ERCC3: variants seen among roughly 807,000 people sequenced by gnomAD.
The protein encoded by ERCC3 is ERCC excision repair 3, TFIIH core complex helicase subunit.
ERCC3 carries 66 observed loss-of-function variants against 94.2 expected under a neutral mutation model. The ratio of observed to expected loss-of-function variants is 0.70; its 90% CI spans 0.57 to 0.86. The LOEUF (loss-of-function observed/expected upper bound fraction) is 0.86, where lower values mean the gene tolerates loss of function less well. Ranked by LOEUF, ERCC3 falls within the 40% of genes least tolerant of loss-of-function variation. The pLI is 0.00. For missense variants in ERCC3, 829 were observed against 987.1 expected, an observed-to-expected ratio of 0.84 and a Z score of 2.15; for synonymous variants, 349 against 369.1, an observed-to-expected ratio of 0.95 and a Z score of 0.63.
intron 12 of ERCC3, among the ~76,000 whole-genome samples, chr2:127,270,979 C>G (rs1026508819): frequency 6.6e-6 from 1 of 152,214 alleles, no homozygotes; most frequent in African/African-American, 2.4e-5. Context: ...CCAGAAGCAG[C>G]TTCCAGCTCC....
chr2:127,291,961 T>G lies in ERCC3; in HGVS notation c.471+649A>C, dbSNP rs1485619412. On this transcript the variant is annotated intron_variant, in intron 3 of 14. Coordinates refer to ENST00000285398, the MANE Select transcript of ERCC3 (RefSeq NM_000122.2). This position sits in a 1 kb window ranked among gnomAD's most constrained non-coding sequence, Gnocchi z 4.9. The stretch of plus-strand genomic sequence containing the variant: ...ATAATAAAATTCCAGACTGGGTGGC[T>G]TCAACATTAGAACTGTATTTTCTCA... The G allele has an allele frequency of 6.3e-6, 1 of 158,228 alleles. No individual in the cohort carries two copies. The highest frequency in any genetic ancestry group is 2.4e-5 in the African/African-American group (1 of 41,512). 9.8% of individuals were successfully genotyped at this position (158,228 alleles called of 1,614,324 possible).
Position 127,264,945 on chromosome 2 carries a change from T to G in ERCC3, c.1946-3599A>C, listed in dbSNP as rs1030146416. Among the ~76,000 whole-genome samples the G allele has an allele frequency of 1.3e-5, 2 of 151,998 alleles. No homozygotes were observed. The highest frequency in any genetic ancestry group is 1.3e-4 in the Admixed American group (2 of 15,256). On this transcript the variant is annotated intron_variant, in intron 12 of 14. Transcript: ENST00000285398. The surrounding 1 kb of genome is among the most constrained non-coding windows in gnomAD (Gnocchi z 4.4). ...TCACTGCAACCTCCACCTCCAGGGT[T>G]TAAGCAATTCTCCTGCCTCAGCCTT...
chr2:127,288,524 C>A, intron 7 of ERCC3, 136 bp downstream of exon 7: 1 of 826,410 alleles, frequency 1.2e-6, no homozygotes. Flanking sequence ...TTTGTCAAGT[C>A]ATGAATCAGG....
At chr2:127,263,770 T>C (rs1224721712) in intron 12 of ERCC3, among the ~76,000 whole-genome samples, 1 of 150,834 alleles carries the variant, frequency 6.6e-6, no homozygotes. Flanking sequence ...TGCAGTGGCG[T>C]GATCTCGGCT....
chr2:127,279,080 G>A lies in ERCC3; in HGVS notation c.1730+93C>T. On this transcript the variant is annotated intron_variant, in intron 10 of 14. Transcript: ENST00000285398. This position sits in a 1 kb window ranked among gnomAD's most constrained non-coding sequence, Gnocchi z 4.7. ...TTTGGAGCCCAAGAAGTTCCTGAGA[G>A]AAAAACAAAAAAACAAAACAACAGC... 1 of 870,700 alleles carries A rather than the reference G, an allele frequency of 1.1e-6. No individual in the cohort carries two copies. Among genetic ancestry groups the A allele is most frequent in the Non-Finnish European group, 1.9e-6 (1 of 532,204 alleles). 53.9% of individuals were successfully genotyped at this position (870,700 alleles called of 1,614,324 possible).
intron 12 of ERCC3, chr2:127,262,926 C>T (rs750120349): frequency 6.6e-6 from 1 of 152,184 alleles, no homozygotes; most frequent in Non-Finnish European, 1.5e-5. Flanking sequence ...GTACTTTCCC[C>T]ACTGCATATT....
rs1406285348 is a variant in ERCC3, at chr2:127,293,955, G to A, written c.28+99C>T. On this transcript the variant is annotated intron_variant, in intron 1 of 14. Transcript: ENST00000285398. Reference sequence around the variant, plus strand: ...CGGGGTGCGCGCGGGAGGGCCAGCAGGGTCGGCCGGCGCAGAGGCCCGGAG... The same window carrying A: ...CGGGGTGCGCGCGGGAGGGCCAGCAAGGTCGGCCGGCGCAGAGGCCCGGAG... The A allele has an allele frequency of 3.9e-6, 6 of 1,547,782 alleles. No individual in the cohort carries two copies. The East Asian group carries it at 1.2e-4, about 31-fold the overall frequency.
At chr2:127,289,858 C>T in intron 4 of ERCC3, 34 bp from the exon 5 acceptor site, 1 of 1,612,858 alleles carries the variant, frequency 6.2e-7, no homozygotes, top group Non-Finnish European at 8.5e-7. Context: ...GGTCTACTGA[C>T]CAGCAGGTAC....
chr2:127,270,554 G>A (rs11886231), intron 12 of ERCC3, among the ~76,000 whole-genome samples: 53,599 of 152,064 alleles, frequency 0.35, 10,224 homozygotes, highest in East Asian at 0.62. Context: ...ACATCTGAAC[G>A]CAGTACAGTT....
Position 127,280,494 on chromosome 2 carries a change from T to A in ERCC3, c.1480A>T (p.Met494Leu), listed in dbSNP as rs1410547028. Residue 494 changes from methionine to leucine, a missense_variant, in exon 9 of 15, where the codon ATG becomes TTG. Met to Leu is a conservative substitution (Grantham distance 15). Transcript: ENST00000285398. The surrounding 1 kb of genome is among the most constrained non-coding windows in gnomAD (Gnocchi z 6.3). ...ATGTAGCCATTATTCTGCAGCTCCA[T>A]CCAGTTGGCTTCGTAGAGCTTAGGC... ...IGPKLYEANW[M>L]ELQNNGYIAK... The A allele has an allele frequency of 2.5e-6, 4 of 1,613,918 alleles. No individual in the cohort carries two copies. The South Asian group carries it at 3.3e-5, about 13-fold the overall frequency.
Position 127,259,347 on chromosome 2 carries a change from C to G in ERCC3, c.2166G>C (p.Leu722=), listed in dbSNP as rs758688049. Residue 722 remains leucine, a synonymous_variant, in exon 14 of 15, where the codon CTG becomes CTC. Coordinates refer to ENST00000285398, the MANE Select transcript of ERCC3 (RefSeq NM_000122.2). This position sits in a 1 kb window ranked among gnomAD's most constrained non-coding sequence, Gnocchi z 4.9. Reference sequence around the variant, plus strand: ...CAGCCACCACCTCCTCCTCGGCATCCAGGTCAGTGGCTGCCAGGACTTTCT... The same window carrying G: ...CAGCCACCACCTCCTCCTCGGCATCGAGGTCAGTGGCTGCCAGGACTTTCT... ...LLQKVLAATD[L]DAEEEVVAGE... The G allele has an allele frequency of 6.2e-7, 1 of 1,614,068 alleles. No homozygotes were observed. The highest frequency in any genetic ancestry group is 8.5e-7 in the Non-Finnish European group (1 of 1,180,052).
chr2:127,289,676 G>A lies in ERCC3; in HGVS notation c.657+13C>T, dbSNP rs748473695. 3 of 1,614,096 alleles carry A rather than the reference G, an allele frequency of 1.9e-6. No individual in the cohort carries two copies. The highest frequency in any genetic ancestry group is 2.5e-6 in the Non-Finnish European group (3 of 1,179,968). The stretch of plus-strand genomic sequence containing the variant: ...CCTGCCCCCACCCAAGGGTGGCCCA[G>A]GAGTCCACATACGGCAGATTTGCTT... On this transcript the variant is annotated intron_variant, in intron 5 of 14. Transcript: ENST00000285398.
chr2:127,258,342 G>A lies in ERCC3; in HGVS notation c.2218-615C>T, dbSNP rs527789538. The stretch of plus-strand genomic sequence containing the variant: ...ACAGAAAGCCCTGGGCTTGACTCTT[G>A]GCTCCTCCTGTCCCTGAGTAACCCT... On this transcript the variant is annotated intron_variant, in intron 14 of 14. Transcript: ENST00000285398. This position sits in a 1 kb window ranked among gnomAD's most constrained non-coding sequence, Gnocchi z 4.1. Among the ~76,000 whole-genome samples, 38 of 152,142 alleles carry A rather than the reference G, an allele frequency of 2.5e-4. No individual in the cohort carries two copies. The highest frequency in any genetic ancestry group is 4.6e-4 in the Non-Finnish European group (31 of 68,028).
rs4662575 is a variant in ERCC3 at position 127,264,639 on chromosome 2, C to T, written c.1946-3293G>A. 0.35 allele frequency among the ~76,000 whole-genome samples: 53,478 copies of T among 151,928 alleles called. 10,183 individuals carry two copies. Among genetic ancestry groups the T allele is most frequent in the East Asian group, 0.62 (3,188 of 5,178 alleles). On this transcript the variant is annotated intron_variant, in intron 12 of 14. Transcript: ENST00000285398. The surrounding 1 kb of genome is among the most constrained non-coding windows in gnomAD (Gnocchi z 4.4). ...ACTTTTTGATATGCTGCTGGATTTGCTTTGTCCTCATTTTGTTACAGATTT... is the reference window on the plus strand; with the variant it reads ...ACTTTTTGATATGCTGCTGGATTTGTTTTGTCCTCATTTTGTTACAGATTT...
chr2:127,265,882 A>G (rs1478745759), intron 12 of ERCC3, among the ~76,000 whole-genome samples: 1 of 152,082 alleles, frequency 6.6e-6, no homozygotes, highest in Non-Finnish European at 1.5e-5. Context: ...TGAAATCTCA[A>G]ATTGTTAATT....
intron 12 of ERCC3, chr2:127,262,721 GTGTTGA>G: frequency 6.6e-6 from 1 of 152,318 alleles, no homozygotes; most frequent in Non-Finnish European, 1.5e-5. Flanking sequence ...AACATGAATT[GTGTTGA>G]TAGTTGCACA....
intron 8 of ERCC3, among the ~76,000 whole-genome samples, chr2:127,286,122 T>C (rs1452299343): frequency 6.6e-6 from 1 of 152,088 alleles, no homozygotes; most frequent in African/African-American, 2.4e-5. Context: ...AACCCAGTTT[T>C]TAGAGGGCCA....
intron 2 of ERCC3, 33 bp from the exon 3 acceptor site, chr2:127,292,879 G>A (rs757124317): frequency 2.1e-6 from 3 of 1,402,436 alleles, no homozygotes; most frequent in Non-Finnish European, 3.0e-6. Flanking sequence ...AACAGACAAG[G>A]AAACATGAGT....
intron 12 of ERCC3, among the ~76,000 whole-genome samples, chr2:127,268,841 AC>A (rs1198602342): frequency 3.3e-5 from 5 of 152,192 alleles, no homozygotes; most frequent in Admixed American, 2.0e-4. Context: ...AATAACTTTT[AC>A]CTTTTCGCTT....
Sources: allele counts gnomAD v4.1 joint callset (sites outside exome capture counted in the v4.1 genomes callset), GRCh38; gene constraint gnomAD v4.1.1; non-coding constraint Gnocchi (gnomAD v3.1); transcripts MANE v1.5; gene names NCBI Gene and HGNC (gene_info 2026-07-23, HGNC 2026-07-21).